ANXA10: variants seen among roughly 807,000 people sequenced by gnomAD.
The protein encoded by ANXA10 is annexin A10.
A neutral mutation model predicts 53.5 loss-of-function variants in ANXA10; 49 were observed. That is an observed-to-expected ratio of 0.92 (90% confidence interval 0.73 to 1.16). ANXA10 has a LOEUF of 1.16. ANXA10 is among the 50% of genes most tolerant of loss of function. The pLI is 0.00. For missense variants in ANXA10, 393 were observed against 394.4 expected, an observed-to-expected ratio of 1.00 and a Z score of 0.03; for synonymous variants, 131 against 128.9, an observed-to-expected ratio of 1.02 and a Z score of -0.11.
chr4:168,111,407 T>A (rs1730804619), intron 1 of ANXA10, among the ~76,000 whole-genome samples: 1 of 152,092 alleles, frequency 6.6e-6, no homozygotes. Context: ...ATGAAAAACA[T>A]AAAATAAGCC....
chr4:168,126,131 A>C lies in ANXA10; in HGVS notation c.19-1953A>C, dbSNP rs535710252. ...TCTAAGGCCAGAATAAAAAAAAATC[A>C]TGCATATAAAAAGGGCATTGTTCGA... On this transcript the variant is annotated intron_variant, in intron 1 of 11. Transcript: ENST00000359299. 2.7e-3 allele frequency among the ~76,000 whole-genome samples: 415 copies of C among 151,574 alleles called. 2 individuals carry two copies. The highest frequency in any genetic ancestry group is 8.8e-3 in the African/African-American group (365 of 41,362).
chr4:168,127,657 G>T, intron 1 of ANXA10: 1 of 361,130 alleles, frequency 2.8e-6, no homozygotes, highest in African/African-American at 2.2e-5. Context: ...TGCAAACACA[G>T]TAGAGACCAA....
At chr4:168,156,162 T>TAATATATATATTA (rs377015231) in intron 3 of ANXA10, among the ~76,000 whole-genome samples, 1 of 50,886 alleles carries the variant, frequency 2.0e-5, no homozygotes, top group African/African-American at 8.1e-5. Flanking sequence ...ATATTATATA[T>TAATATATATATTA]TATATATATT....
chr4:168,157,530 T>A (rs918855957), intron 3 of ANXA10, among the ~76,000 whole-genome samples: 1 of 152,092 alleles, frequency 6.6e-6, no homozygotes, highest in African/African-American at 2.4e-5. Context: ...TCCCAAAGTC[T>A]TGGGATTACA....
intron 1 of ANXA10, among the ~76,000 whole-genome samples, chr4:168,119,040 A>G (rs1052574921): frequency 2.6e-5 from 4 of 152,126 alleles, no homozygotes; most frequent in Non-Finnish European, 4.4e-5. Context: ...TTTTATATTT[A>G]CTCATTATCT....
chr4:168,110,026 C>T (rs948190487), intron 1 of ANXA10, among the ~76,000 whole-genome samples: 7 of 151,962 alleles, frequency 4.6e-5, no homozygotes, highest in South Asian at 2.1e-4. Context: ...CTGGCGAAGA[C>T]GGTGAAACCC....
chr4:168,149,210 G>A (rs910020403), intron 3 of ANXA10, among the ~76,000 whole-genome samples: 5 of 152,112 alleles, frequency 3.3e-5, no homozygotes, highest in African/African-American at 1.2e-4. Context: ...TGTCTCTCCA[G>A]CATTGTCCAC....
At position 168,116,125 on chromosome 4, in the gene ANXA10, G is replaced by A. The variant is rs576558403; in HGVS notation, c.19-11959G>A. 5.3e-5 allele frequency among the ~76,000 whole-genome samples: 8 copies of A among 152,220 alleles called. 1 individual carries two copies. In the East Asian group the frequency reaches 1.5e-3, roughly 29 times the overall value. ...ATGCCATGTGTAATAGAGATGCAAAGTGAATAATAGTAATACTTGGTAAAA... is the reference window on the plus strand; with the variant it reads ...ATGCCATGTGTAATAGAGATGCAAAATGAATAATAGTAATACTTGGTAAAA... On this transcript the variant is annotated intron_variant, in intron 1 of 11. Coordinates refer to ENST00000359299, the MANE Select transcript of ANXA10 (RefSeq NM_007193.5).
chr4:168,178,549 T>A (rs926672721), intron 8 of ANXA10, among the ~76,000 whole-genome samples: 2 of 152,116 alleles, frequency 1.3e-5, no homozygotes, highest in African/African-American at 4.8e-5. Flanking sequence ...CAATCCCACA[T>A]CTAGACTTTA....
chr4:168,122,170 A>AGGAGTAAATGAGACTCACTCTCTCAAAT, intron 1 of ANXA10, among the ~76,000 whole-genome samples: 1 of 152,034 alleles, frequency 6.6e-6, no homozygotes, highest in Non-Finnish European at 1.5e-5. Context: ...CTCCATTTTG[A>AGGAGTAAATGAGACTCACTCTCTCAAAT]CCTTCCGTGA....
rs1321576802 is a variant in ANXA10, at chr4:168,179,203, T to C, written c.629-14T>C. On this transcript the variant is annotated splice_polypyrimidine_tract_variant and intron_variant, in intron 8 of 11. Coordinates refer to ENST00000359299, the MANE Select transcript of ANXA10 (RefSeq NM_007193.5). ...TTTTCAAAATCTCCTTTGAATTACA[T>C]CAATTTGTTAAAGTTTTCCAGGAAT... 6.6e-7 allele frequency: 1 copy of C among 1,510,332 alleles called. No individual in the cohort carries two copies. The highest frequency in any genetic ancestry group is 2.3e-5 in the East Asian group (1 of 44,210). 93.6% of individuals were successfully genotyped at this position (1,510,332 alleles called of 1,614,324 possible).
At chr4:168,125,022 C>G (rs1236609778) in intron 1 of ANXA10, among the ~76,000 whole-genome samples, 3 of 152,140 alleles carry the variant, frequency 2.0e-5, no homozygotes, top group Non-Finnish European at 4.4e-5. Flanking sequence ...GGCTCGTTAA[C>G]TGCGGAAGGG....
At chr4:168,104,033 G>C (rs749955306) in intron 1 of ANXA10, among the ~76,000 whole-genome samples, 11 of 151,726 alleles carry the variant, frequency 7.2e-5, no homozygotes, top group Non-Finnish European at 1.5e-4. Context: ...TTAGATGTAG[G>C]GTTTTTGTAG....
chr4:168,119,270 T>C (rs1325721353), intron 1 of ANXA10, among the ~76,000 whole-genome samples: 2 of 152,190 alleles, frequency 1.3e-5, no homozygotes, highest in Admixed American at 6.5e-5. Context: ...CTCATAGAGA[T>C]AACCTCGTTA....
intron 3 of ANXA10, among the ~76,000 whole-genome samples, chr4:168,150,033 CA>C (rs1731471853): frequency 6.6e-6 from 1 of 152,188 alleles, no homozygotes; most frequent in Non-Finnish European, 1.5e-5. Context: ...AAATAGCTCT[CA>C]AAACCAGCCT....
intron 1 of ANXA10, among the ~76,000 whole-genome samples, chr4:168,106,380 T>C (rs1324502031): frequency 6.6e-6 from 1 of 152,108 alleles, no homozygotes; most frequent in East Asian, 1.9e-4. Flanking sequence ...TACAACTCAA[T>C]TAAGCTAGGC....
intron 4 of ANXA10, 39 bp downstream of exon 4, chr4:168,162,680 AG>A (rs1261486571): frequency 1.3e-6 from 2 of 1,541,728 alleles, no homozygotes; most frequent in African/African-American, 2.7e-5. Flanking sequence ...TAACAAGTAC[AG>A]GCCAGTATTT....
intron 8 of ANXA10, among the ~76,000 whole-genome samples, chr4:168,178,597 C>CATA (rs60479174): frequency 0.027 from 4,165 of 152,040 alleles, 158 homozygotes; most frequent in African/African-American, 0.093. Context: ...TAATGATAAT[C>CATA]ATAATAATAA....
intron 2 of ANXA10, among the ~76,000 whole-genome samples, chr4:168,136,495 A>T (rs1197345805): frequency 6.6e-6 from 1 of 152,148 alleles, no homozygotes; most frequent in East Asian, 1.9e-4. Flanking sequence ...AAACAAAGGG[A>T]CTAGAGGCCC....
Sources: allele counts gnomAD v4.1 joint callset (sites outside exome capture counted in the v4.1 genomes callset), GRCh38; gene constraint gnomAD v4.1.1; transcripts MANE v1.5; gene names NCBI Gene and HGNC (gene_info 2026-07-23, HGNC 2026-07-21).